The following TCEA1 variants were observed in gnomAD, a reference collection of about 807,000 sequenced individuals.
TCEA1 encodes transcription elongation factor A protein 1.
In TCEA1, 21 loss-of-function variants were observed where a neutral mutation model predicts 43.8. The ratio of observed to expected loss-of-function variants is 0.48; its 90% confidence interval spans 0.34 to 0.69. The LOEUF is 0.69. Among genes scored for constraint, TCEA1 ranks in the 30% least tolerant of loss-of-function variants. The pLI is 0.01. For synonymous variants in TCEA1, 104 were observed against 117.5 expected (o/e 0.88, Z 0.75); for missense variants, 250 against 365.1 (o/e 0.68, Z 2.57).
intron 3 of TCEA1, among the ~76,000 whole-genome samples, chr8:53,998,002 C>T (rs1205436058): frequency 2.0e-5 from 3 of 152,182 alleles, no homozygotes; most frequent in African/African-American, 7.2e-5. Flanking sequence ...AATCCAATTC[C>T]ACTTTGCATT....
At chr8:54,004,378 G>A (rs193053166) in intron 2 of TCEA1, among the ~76,000 whole-genome samples, 215 of 152,174 alleles carry the variant, frequency 1.4e-3, no homozygotes, top group African/African-American at 3.8e-3. Flanking sequence ...AAGTCTAAAC[G>A]CATCACCTGA....
At chr8:53,972,137 C>T (rs1803175708) in intron 8 of TCEA1, 2 of 293,182 alleles carry the variant, frequency 6.8e-6, no homozygotes, top group South Asian at 3.4e-5. Flanking sequence ...CGGCAAGTGG[C>T]AGTGATGGTT....
At chr8:53,973,359 T>C (rs1461603440) in intron 8 of TCEA1, 1 of 520,564 alleles carries the variant, frequency 1.9e-6, no homozygotes, top group Non-Finnish European at 3.6e-6. Context: ...GGGAACAATT[T>C]TTAAAGAAGA....
At chr8:53,970,803 T>C (rs1803134131) in intron 8 of TCEA1, among the ~76,000 whole-genome samples, 1 of 152,154 alleles carries the variant, frequency 6.6e-6, no homozygotes, top group Admixed American at 6.5e-5. Context: ...AACAATTTCA[T>C]CAGTAAGAAG....
intron 9 of TCEA1, 154 bp downstream of exon 9, chr8:53,970,238 T>G (rs376491127): frequency 1.4e-6 from 1 of 711,002 alleles, no homozygotes; most frequent in Non-Finnish European, 2.6e-6. Flanking sequence ...AACAAGATGG[T>G]ATATTCCATT....
intron 6 of TCEA1, among the ~76,000 whole-genome samples, chr8:53,985,752 G>A (rs1803672990): frequency 6.6e-6 from 1 of 152,090 alleles, no homozygotes. Context: ...CCCTTTCCCG[G>A]TGCTTAGCAA....
At chr8:53,992,927 T>G (rs1376906832) in intron 4 of TCEA1, among the ~76,000 whole-genome samples, 1 of 151,154 alleles carries the variant, frequency 6.6e-6, no homozygotes, top group Non-Finnish European at 1.5e-5. Flanking sequence ...TTAATGAACT[T>G]CACATTTTAA....
At chr8:53,973,119 C>T in intron 8 of TCEA1, 2 of 622,544 alleles carry the variant, frequency 3.2e-6, no homozygotes, top group Non-Finnish European at 6.1e-6. Context: ...AGAAGAGGAG[C>T]TACAAGGTGA....
intron 8 of TCEA1, chr8:53,973,828 A>G: frequency 2.5e-6 from 1 of 393,444 alleles, no homozygotes; most frequent in South Asian, 2.6e-5. Context: ...AAAACCCTTG[A>G]GGAGAAAGCC....
At chr8:53,998,977 C>T (rs1480684765) in intron 3 of TCEA1, among the ~76,000 whole-genome samples, 1 of 151,904 alleles carries the variant, frequency 6.6e-6, no homozygotes, top group Admixed American at 6.6e-5. Context: ...GCCTGTAATC[C>T]CAGCACTTTG....
intron 6 of TCEA1, among the ~76,000 whole-genome samples, chr8:53,985,377 A>C (rs1803657606): frequency 6.6e-6 from 1 of 152,194 alleles, no homozygotes; most frequent in Non-Finnish European, 1.5e-5. Context: ...CAGGGTTTCA[A>C]AAAGTAACTC....
chr8:54,020,112 G>A (rs1356212643), intron 1 of TCEA1, among the ~76,000 whole-genome samples: 2 of 152,264 alleles, frequency 1.3e-5, no homozygotes, highest in Non-Finnish European at 2.9e-5. Context: ...TACAAGGAAA[G>A]AAACAAAATC....
At chr8:54,015,176 A>AT (rs113003413) in intron 1 of TCEA1, among the ~76,000 whole-genome samples, 6,351 of 145,666 alleles carry the variant, frequency 0.044, 402 homozygotes, top group African/African-American at 0.14. Context: ...GATATTATCC[A>AT]TTTTTTTTTT....
Position 53,981,927 on chromosome 8 carries a change from C to CTTTCT in TCEA1, c.678+2435_678+2436insAGAAA, listed in dbSNP as rs1471246232. Among the ~76,000 whole-genome samples the CTTTCT allele has an allele frequency of 1.5e-3, 194 of 128,148 alleles. 5 individuals are homozygous for CTTTCT. The highest frequency in any genetic ancestry group is 5.1e-3 in the African/African-American group (182 of 35,674). The allele number at this position is 128,148 out of a possible 152,430, so 84.1% of individuals were successfully genotyped here. ...ACCACACCATGCCCAGCTAAGTTTT[C>CTTTCT]TTTTTTTTTTTTTTTTTTGTAGAGA... On this transcript the variant is annotated intron_variant, in intron 7 of 9. Transcript: ENST00000521604.
rs1804345858 is a variant in TCEA1, at chr8:54,003,646, TA to T, written c.127-3597del. ...GCTGGAACAACTAGACATCCACATG[TA>T]AAAGAATAAACCTGAACCTCTTCCT... On this transcript the variant is annotated intron_variant, in intron 2 of 9. Transcript: ENST00000521604. Among the ~76,000 whole-genome samples the T allele has an allele frequency of 4.6e-5, 7 of 152,104 alleles. No individual in the cohort carries two copies. The South Asian group carries it at 1.4e-3, about 32-fold the overall frequency.
intron 6 of TCEA1, among the ~76,000 whole-genome samples, chr8:53,984,987 G>C (rs569906154): frequency 3.9e-5 from 6 of 152,086 alleles, no homozygotes; most frequent in Non-Finnish European, 8.8e-5. Context: ...AGCTGTAATT[G>C]GCGAATAATA....
At chr8:53,980,006 A>G (rs950405487) in intron 7 of TCEA1, among the ~76,000 whole-genome samples, 3 of 152,198 alleles carry the variant, frequency 2.0e-5, no homozygotes, top group Admixed American at 2.0e-4. Flanking sequence ...AATGTGAGTA[A>G]TAACTTCGTC....
At chr8:53,981,970 G>A (rs1585997687) in intron 7 of TCEA1, among the ~76,000 whole-genome samples, 1 of 115,526 alleles carries the variant, frequency 8.7e-6, no homozygotes, top group Non-Finnish European at 1.7e-5. Context: ...TTGCTATGTT[G>A]CCCGGGCTAG....
chr8:54,007,259 T>A (rs1263354881), intron 2 of TCEA1, among the ~76,000 whole-genome samples: 1 of 152,258 alleles, frequency 6.6e-6, no homozygotes, highest in African/African-American at 2.4e-5. Context: ...CATAGGATTA[T>A]GAAGCAAACC....
Sources: allele counts gnomAD v4.1 joint callset (sites outside exome capture counted in the v4.1 genomes callset), GRCh38; gene constraint gnomAD v4.1.1; transcripts MANE v1.5; gene names NCBI Gene and HGNC (gene_info 2026-07-23, HGNC 2026-07-21).